Variants in FOXK2 observed in about 807,000 individuals in gnomAD.
FOXK2 encodes forkhead box K2.
A neutral mutation model predicts 53.3 loss-of-function variants in FOXK2; 24 were observed. The ratio of observed to expected loss-of-function variants is 0.45; its 90% CI spans 0.33 to 0.63. The LOEUF (loss-of-function observed/expected upper bound fraction) is 0.63. Ranked by LOEUF, FOXK2 falls within the 30% of genes least tolerant of loss-of-function variation. The pLI is 0.03. For missense variants in FOXK2, 952 were observed against 910.5 expected (o/e 1.05, Z -0.59); for synonymous variants, 505 against 407.1 (o/e 1.24, Z -2.89).
intron 1 of FOXK2, among the ~76,000 whole-genome samples, chr17:82,536,119 C>G (rs2044518261): frequency 6.6e-6 from 1 of 152,270 alleles, no homozygotes; most frequent in South Asian, 2.1e-4. Context: ...CTCAGGTGAT[C>G]TGCCCATCTC....
intron 1 of FOXK2, among the ~76,000 whole-genome samples, chr17:82,520,903 A>G (rs2044355375): frequency 6.6e-6 from 1 of 152,190 alleles, no homozygotes; most frequent in African/African-American, 2.4e-5. Flanking sequence ...GAACCTTAAA[A>G]TTTAGGGAAA....
At chr17:82,520,437 A>G in intron 1 of FOXK2, 130 bp downstream of exon 1, 1 of 784,572 alleles carries the variant, frequency 1.3e-6, no homozygotes, top group Non-Finnish European at 1.7e-6. Flanking sequence ...CGGGACCACC[A>G]GCGGGACCCA....
In FOXK2 at chr17:82,601,640, T is replaced by A; in HGVS notation, c.*141T>A. 2 of 736,164 alleles carry A rather than the reference T, an allele frequency of 2.7e-6. No individual in the cohort carries two copies. The highest frequency in any genetic ancestry group is 4.3e-6 in the Non-Finnish European group (2 of 464,510). 45.6% of individuals were successfully genotyped at this position (736,164 alleles called of 1,614,324 possible). ...TGAAAACCCAAAACCCAGCTGGCCT[T>A]AACACTCCTTAAAGACAGAAGTCAC... On this transcript the variant is annotated 3_prime_UTR_variant, in exon 9 of 9. Coordinates refer to ENST00000335255, the MANE Select transcript of FOXK2 (RefSeq NM_004514.4).
chr17:82,554,488 G>A (rs1262046178), intron 1 of FOXK2, among the ~76,000 whole-genome samples: 3 of 152,162 alleles, frequency 2.0e-5, no homozygotes, highest in Non-Finnish European at 4.4e-5. Flanking sequence ...GGATGTTTGC[G>A]ACACTGAATC....
At chr17:82,521,052 T>C (rs2044357067) in intron 1 of FOXK2, among the ~76,000 whole-genome samples, 1 of 152,226 alleles carries the variant, frequency 6.6e-6, no homozygotes, top group Admixed American at 6.6e-5. Context: ...TGTGGTTTTA[T>C]GAAGTTATCG....
intron 8 of FOXK2, among the ~76,000 whole-genome samples, chr17:82,597,553 G>A (rs1048672342): frequency 9.2e-5 from 14 of 152,238 alleles, no homozygotes; most frequent in African/African-American, 3.1e-4. Context: ...CTGTTACAGG[G>A]CTCCATGTGG....
rs926811878 is a variant in FOXK2 at position 82,604,341 on chromosome 17, TCTC to T, written c.*2845_*2847del. The T allele has an allele frequency of 1.3e-5, 2 of 152,450 alleles. No individual in the cohort carries two copies. Among genetic ancestry groups the T allele is most frequent in the Non-Finnish European group, 2.9e-5 (2 of 68,046 alleles). 9.4% of individuals were successfully genotyped at this position (152,450 alleles called of 1,614,324 possible). On this transcript the variant is annotated 3_prime_UTR_variant, in exon 9 of 9. Coordinates refer to ENST00000335255, the MANE Select transcript of FOXK2 (RefSeq NM_004514.4). ...AGTAGAGTACGCGGTGGACAGCTGATCTCCTTCAGTCGTCTACCCACTTCCGTC... is the reference window on the plus strand; with the variant it reads ...AGTAGAGTACGCGGTGGACAGCTGATCTTCAGTCGTCTACCCACTTCCGTC...
chr17:82,587,578 C>T (rs1598234200), intron 8 of FOXK2: 2 of 420,046 alleles, frequency 4.8e-6, no homozygotes, highest in Admixed American at 3.6e-5. Context: ...CGGCGGGAGC[C>T]GCCGCGTGTC....
At position 82,573,888 on chromosome 17, in the gene FOXK2, C is replaced by G. The variant is rs575054638; in HGVS notation, c.909+2018C>G. ...CTATGAACAGGACAAGGCTTTCTTG[C>G]TAAAGAGGGTGGCTGGATAAAGGCC... is the stretch of plus-strand genomic sequence containing the variant. On this transcript the variant is annotated intron_variant, in intron 4 of 8. Transcript: ENST00000335255. Among the ~76,000 whole-genome samples, 5 of 152,346 alleles carry G rather than the reference C, an allele frequency of 3.3e-5. No homozygotes were observed. The South Asian group carries it at 1.0e-3, about 32-fold the overall frequency.
intron 1 of FOXK2, among the ~76,000 whole-genome samples, chr17:82,544,657 C>G (rs1403724622): frequency 6.6e-6 from 1 of 152,168 alleles, no homozygotes; most frequent in South Asian, 2.1e-4. Context: ...AATTGGCTGC[C>G]AGATGATTTC....
Position 82,602,833 on chromosome 17 carries a change from G to C in FOXK2, c.*1334G>C, listed in dbSNP as rs971489203. 2.0e-5 allele frequency: 3 copies of C among 152,292 alleles called. No individual in the cohort carries two copies. The highest frequency in any genetic ancestry group is 7.2e-5 in the African/African-American group (3 of 41,476). 9.4% of individuals were successfully genotyped at this position (152,292 alleles called of 1,614,324 possible). On this transcript the variant is annotated 3_prime_UTR_variant, in exon 9 of 9. Transcript: ENST00000335255. ...CGAGGGCCGAGGGCCGTGCACATGG[G>C]GAGAGGGCGTCAGCCTGATGGCTGA...
chr17:82,552,080 ACT>A (rs904987357), intron 1 of FOXK2, among the ~76,000 whole-genome samples: 1 of 150,980 alleles, frequency 6.6e-6, no homozygotes, highest in Non-Finnish European at 1.5e-5. Context: ...GCTTCCAAAC[ACT>A]CTCCATGTCC....
chr17:82,560,752 C>T (rs1375361854), intron 1 of FOXK2, among the ~76,000 whole-genome samples: 2 of 152,242 alleles, frequency 1.3e-5, no homozygotes, highest in Non-Finnish European at 2.9e-5. Flanking sequence ...AATTTCAGCA[C>T]TTTTGGAGAC....
chr17:82,565,796 C>T (rs1044142950), intron 2 of FOXK2, among the ~76,000 whole-genome samples: 8 of 152,174 alleles, frequency 5.3e-5, no homozygotes, highest in African/African-American at 1.9e-4. Context: ...TCCAGCAACC[C>T]CACTTCTGGA....
chr17:82,581,162 T>A (rs1001864557), intron 4 of FOXK2, among the ~76,000 whole-genome samples: 1 of 152,242 alleles, frequency 6.6e-6, no homozygotes. Context: ...ATCACCATTT[T>A]AACACTTTAA....
At chr17:82,597,457 A>T (rs2045326374) in intron 8 of FOXK2, among the ~76,000 whole-genome samples, 1 of 151,834 alleles carries the variant, frequency 6.6e-6, no homozygotes, top group African/African-American at 2.4e-5. Context: ...TGCTGCCTTT[A>T]GTCTTCCTTG....
Position 82,601,339 on chromosome 17 carries a change from C to T in FOXK2, c.1823C>T (p.Ala608Val). 1.2e-6 allele frequency: 2 copies of T among 1,613,218 alleles called. No homozygotes were observed. The highest frequency in any genetic ancestry group is 2.7e-5 in the African/African-American group (2 of 75,046). Residue 608 changes from alanine (A) to valine (V), a missense_variant, in exon 9 of 9, where the codon GCA becomes GTA. By Grantham distance (64) the Ala-to-Val change is moderately conservative. Coordinates refer to ENST00000335255, the MANE Select transcript of FOXK2 (RefSeq NM_004514.4). Reference sequence around the variant, plus strand: ...CCTTTGCACATGTTGGCAACACACGCATCCGCATCGGCCTCCCTGCCCACA... The same window carrying T: ...CCTTTGCACATGTTGGCAACACACGTATCCGCATCGGCCTCCCTGCCCACA... ...ASPLHMLATH[A>V]SASASLPTKR...
At chr17:82,571,971 AG>A (rs1014810342) in intron 4 of FOXK2, 101 bp downstream of exon 4, 20 of 1,241,366 alleles carry the variant, frequency 1.6e-5, no homozygotes, top group Admixed American at 3.3e-5. Context: ...GGAAGGTAGA[AG>A]GGGGGGTTGG....
chr17:82,530,198 A>G (rs1350197797), intron 1 of FOXK2, among the ~76,000 whole-genome samples: 1 of 152,166 alleles, frequency 6.6e-6, no homozygotes, highest in Non-Finnish European at 1.5e-5. Context: ...GAATATAGAA[A>G]ACCTGAAATA....
Sources: allele counts gnomAD v4.1 joint callset (sites outside exome capture counted in the v4.1 genomes callset), GRCh38; gene constraint gnomAD v4.1.1; transcripts MANE v1.5; gene names NCBI Gene and HGNC (gene_info 2026-07-23, HGNC 2026-07-21).